The following SDK1 variants were observed in gnomAD, a reference collection of about 807,000 sequenced individuals.
The protein encoded by SDK1 is sidekick cell adhesion molecule 1.
A neutral mutation model predicts 245.5 loss-of-function variants in SDK1; 157 were observed. The ratio of observed to expected loss-of-function variants is 0.64; its 90% CI spans 0.56 to 0.73. SDK1 has a LOEUF of 0.73. SDK1 is among the 30% of genes least tolerant of loss of function. The probability of loss-of-function intolerance (pLI) is 0.00; values close to 1 mark genes in which losing one functional copy is unlikely to be tolerated. For synonymous variants in SDK1, 1,647 were observed against 1,278.5 expected, an observed-to-expected ratio of 1.29 and a Z score of -6.15; for missense variants, 3,583 against 3,002.3, an observed-to-expected ratio of 1.19 and a Z score of -4.52.
chr7:3,852,620 G>A (rs1490418385), intron 5 of SDK1, among the ~76,000 whole-genome samples: 7 of 150,922 alleles, frequency 4.6e-5, no homozygotes, highest in South Asian at 2.1e-4. Flanking sequence ...GCTTGGTGGC[G>A]GGCACCTGTA....
At chr7:3,922,246 C>T (rs1779615467) in intron 5 of SDK1, among the ~76,000 whole-genome samples, 1 of 152,160 alleles carries the variant, frequency 6.6e-6, no homozygotes, top group Non-Finnish European at 1.5e-5. Context: ...TAAGCTCGGG[C>T]AGCCATGGAT....
chr7:3,631,279 C>A (rs1489370793), intron 2 of SDK1, among the ~76,000 whole-genome samples: 1 of 152,154 alleles, frequency 6.6e-6, no homozygotes, highest in Non-Finnish European at 1.5e-5. Context: ...TGAGCTCTCT[C>A]TGTACTCACC....
intron 1 of SDK1, among the ~76,000 whole-genome samples, chr7:3,317,338 T>C (rs1340871297): frequency 1.3e-5 from 2 of 152,176 alleles, no homozygotes; most frequent in Non-Finnish European, 2.9e-5. Flanking sequence ...TCTGAGTATA[T>C]TGCACATTTA....
chr7:3,566,649 T>G (rs1050841652), intron 1 of SDK1, among the ~76,000 whole-genome samples: 3 of 151,588 alleles, frequency 2.0e-5, no homozygotes, highest in Non-Finnish European at 4.4e-5. Flanking sequence ...TGGAAAATGA[T>G]GTAGGTGTAT....
At chr7:3,686,535 T>C (rs1196574636) in intron 4 of SDK1, among the ~76,000 whole-genome samples, 1 of 152,216 alleles carries the variant, frequency 6.6e-6, no homozygotes, top group Non-Finnish European at 1.5e-5. Flanking sequence ...TTGCCAGTGA[T>C]AATGTAAAAC....
intron 41 of SDK1, 53 bp from the exon 42 acceptor site, chr7:4,237,594 C>G: frequency 3.1e-6 from 5 of 1,608,020 alleles, no homozygotes; most frequent in Admixed American, 1.7e-5. Context: ...CGGGAGGTGA[C>G]TGCAGCTGGA....
At chr7:3,452,182 G>A (rs1040770088) in intron 1 of SDK1, among the ~76,000 whole-genome samples, 1 of 152,158 alleles carries the variant, frequency 6.6e-6, no homozygotes, top group African/African-American at 2.4e-5. Context: ...TGTCGTGTCA[G>A]CTTTCTTTAG....
rs112943354 is a variant in SDK1, at chr7:4,036,299, C to A, written c.2603-13049C>A. Among the ~76,000 whole-genome samples, 729 of 151,130 alleles carry A rather than the reference C, an allele frequency of 4.8e-3. 1 individual carries two copies. Among genetic ancestry groups the A allele is most frequent in the Non-Finnish European group, 8.5e-3 (579 of 67,908 alleles). On this transcript the variant is annotated intron_variant, in intron 17 of 44. Transcript: ENST00000404826. Reference sequence around the variant, plus strand: ...ACAGTGTTTCTTTAGGTCGACAGTTCTTCTTTTTATTTCTTTGACAAAAGT... The same window carrying A: ...ACAGTGTTTCTTTAGGTCGACAGTTATTCTTTTTATTTCTTTGACAAAAGT...
intron 5 of SDK1, among the ~76,000 whole-genome samples, chr7:3,935,852 C>T (rs1160981268): frequency 1.3e-5 from 2 of 152,162 alleles, no homozygotes; most frequent in South Asian, 2.1e-4. Context: ...AAAAATTAAA[C>T]GTCAGGTTAC....
At chr7:3,771,425 G>A (rs764190189) in intron 4 of SDK1, among the ~76,000 whole-genome samples, 20 of 152,124 alleles carry the variant, frequency 1.3e-4, no homozygotes, top group Non-Finnish European at 2.8e-4. Flanking sequence ...GAGGTACAGG[G>A]GAGCATAAAG....
chr7:3,961,780 G>C (rs1781701488), intron 8 of SDK1, among the ~76,000 whole-genome samples: 1 of 152,130 alleles, frequency 6.6e-6, no homozygotes, highest in South Asian at 2.1e-4. Flanking sequence ...TACTGCCATT[G>C]AGCACTCACC....
At chr7:3,648,625 G>T (rs568672997) in intron 4 of SDK1, among the ~76,000 whole-genome samples, 4 of 152,124 alleles carry the variant, frequency 2.6e-5, no homozygotes, top group Non-Finnish European at 5.9e-5. Flanking sequence ...TTAAATTAGC[G>T]CTTGCATTGG....
At position 4,110,582 on chromosome 7, in the gene SDK1, AC is replaced by A. The variant is rs915607416; in HGVS notation, c.3325-79del. 14 of 979,938 alleles carry A rather than the reference AC, an allele frequency of 1.4e-5. No individual in the cohort carries two copies. In the African/African-American group the frequency reaches 2.2e-4, roughly 16 times the overall value. The allele number at this position is 979,938 out of a possible 1,614,324, so 60.7% of individuals were successfully genotyped here. On this transcript the variant is annotated intron_variant, in intron 22 of 44. Coordinates refer to ENST00000404826, the MANE Select transcript of SDK1 (RefSeq NM_152744.4). ...TGCAGCCCTGCCCAGCTCACCAGGT[AC>A]CAGCAGGTGCACATGGTCTACATGG...
chr7:3,495,922 A>G (rs1038116399), intron 1 of SDK1, among the ~76,000 whole-genome samples: 1 of 152,174 alleles, frequency 6.6e-6, no homozygotes, highest in African/African-American at 2.4e-5. Flanking sequence ...ACACTTTTCA[A>G]AGCTTCAGTT....
chr7:3,594,511 C>G (rs1780989203), intron 1 of SDK1, among the ~76,000 whole-genome samples: 1 of 152,156 alleles, frequency 6.6e-6, no homozygotes, highest in African/African-American at 2.4e-5. Context: ...TGATACCTAA[C>G]ATTTTGAGAG....
intron 5 of SDK1, among the ~76,000 whole-genome samples, chr7:3,855,345 A>G (rs554136394): frequency 1.2e-4 from 19 of 152,234 alleles, no homozygotes; most frequent in African/African-American, 4.3e-4. Context: ...AATGCTGAAT[A>G]GAACAAGCAG....
intron 5 of SDK1, among the ~76,000 whole-genome samples, chr7:3,911,699 C>G (rs918407736): frequency 6.6e-5 from 10 of 152,284 alleles, no homozygotes; most frequent in African/African-American, 2.2e-4. Flanking sequence ...CCAGCCATCT[C>G]TTTACTGTAC....
intron 4 of SDK1, among the ~76,000 whole-genome samples, chr7:3,723,930 A>ACACGTACATATATATATACACG (rs1778921414): frequency 8.5e-6 from 1 of 117,456 alleles, no homozygotes; most frequent in Non-Finnish European, 1.8e-5. Context: ...ACACGTATAT[A>ACACGTACATATATATATACACG]TATATATATA....
At position 4,114,171 on chromosome 7, in the gene SDK1, G is replaced by C; in HGVS notation, c.3720G>C (p.Glu1240Asp). Reference protein sequence around the residue: ...SDRLEREFTIEELEEWMEYEL... With the variant: ...SDRLEREFTIDELEEWMEYEL... ...GGCTGGAGAGAGAATTCACCATCGA[G>C]GAGCTGGAGGAGTGGATGGAATACG... The change falls in exon 25 of 45, where the codon GAG (glutamate) becomes GAC (aspartate). Residue 1240 changes from glutamate (E) to aspartate (D), a missense_variant. By Grantham distance (45) the Glu-to-Asp change is conservative. Coordinates refer to ENST00000404826, the MANE Select transcript of SDK1 (RefSeq NM_152744.4). 1 of 1,614,194 alleles carries C rather than the reference G, an allele frequency of 6.2e-7. No homozygotes were observed. Among genetic ancestry groups the C allele is most frequent in the Non-Finnish European group, 8.5e-7 (1 of 1,180,036 alleles).
Sources: allele counts gnomAD v4.1 joint callset (sites outside exome capture counted in the v4.1 genomes callset), GRCh38; gene constraint gnomAD v4.1.1; transcripts MANE v1.5; gene names NCBI Gene and HGNC (gene_info 2026-07-23, HGNC 2026-07-21).